Variants in CCSER1 observed in about 807,000 individuals in gnomAD.
CCSER1 encodes coiled-coil serine rich protein 1.
CCSER1 carries 41 observed loss-of-function variants against 82.0 expected under a neutral mutation model. That is an observed-to-expected ratio of 0.50 (90% CI 0.39 to 0.65). The LOEUF (loss-of-function observed/expected upper bound fraction) is 0.65. Ranked by LOEUF, CCSER1 falls within the 30% of genes least tolerant of loss-of-function variation. CCSER1 has a pLI of 0.00. For missense variants in CCSER1, 1,119 were observed against 1,064.2 expected (o/e 1.05, Z -0.72); for synonymous variants, 414 against 383.9 (o/e 1.08, Z -0.92).
intron 5 of CCSER1, among the ~76,000 whole-genome samples, chr4:90,541,933 T>C (rs1776162863): frequency 6.6e-6 from 1 of 152,050 alleles, no homozygotes; most frequent in Non-Finnish European, 1.5e-5. Context: ...TTTCTTCAAG[T>C]TCTTCATTCC....
chr4:90,726,675 C>G (rs781144282), intron 7 of CCSER1, among the ~76,000 whole-genome samples: 1 of 152,146 alleles, frequency 6.6e-6, no homozygotes, highest in Non-Finnish European at 1.5e-5. Flanking sequence ...TATTCCCCCA[C>G]ACTATGGTTC....
chr4:90,902,793 C>T (rs1724854440), intron 8 of CCSER1, among the ~76,000 whole-genome samples: 1 of 151,902 alleles, frequency 6.6e-6, no homozygotes, highest in Non-Finnish European at 1.5e-5. Context: ...TCTGTCTTGC[C>T]CTCAAGTAGG....
intron 10 of CCSER1, among the ~76,000 whole-genome samples, chr4:91,549,991 C>T (rs1288445237): frequency 6.6e-6 from 1 of 151,302 alleles, no homozygotes; most frequent in Non-Finnish European, 1.5e-5. Flanking sequence ...TGGTATTTCT[C>T]TTTACCCATG....
At chr4:91,547,969 G>A (rs559409808) in intron 10 of CCSER1, among the ~76,000 whole-genome samples, 1 of 152,256 alleles carries the variant, frequency 6.6e-6, no homozygotes, top group African/African-American at 2.4e-5. Flanking sequence ...TTTTAGTAGA[G>A]ATGGGGTTTC....
intron 9 of CCSER1, among the ~76,000 whole-genome samples, chr4:90,966,767 A>G (rs1423105711): frequency 6.6e-6 from 1 of 152,156 alleles, no homozygotes; most frequent in Non-Finnish European, 1.5e-5. Context: ...TTGTAAAACT[A>G]TATTGATGTA....
intron 3 of CCSER1, among the ~76,000 whole-genome samples, chr4:90,353,445 T>A (rs1336500926): frequency 1.3e-5 from 2 of 152,214 alleles, no homozygotes; most frequent in African/African-American, 4.8e-5. Flanking sequence ...CATGGACCTG[T>A]TTTTCTCTGC....
chr4:90,688,343 G>C (rs1453437988), intron 6 of CCSER1, among the ~76,000 whole-genome samples: 1 of 151,882 alleles, frequency 6.6e-6, no homozygotes. Context: ...ATGTATGCAT[G>C]GTGTTTTCCT....
chr4:90,143,003 A>G (rs1264085854), intron 1 of CCSER1, among the ~76,000 whole-genome samples: 1 of 152,196 alleles, frequency 6.6e-6, no homozygotes, highest in Non-Finnish European at 1.5e-5. Flanking sequence ...ATTTTTATTT[A>G]ATATCCACTA....
At chr4:90,784,527 G>A (rs1048654984) in intron 7 of CCSER1, among the ~76,000 whole-genome samples, 98 of 152,264 alleles carry the variant, frequency 6.4e-4, no homozygotes, top group African/African-American at 2.2e-3. Flanking sequence ...GAGAAGGAGT[G>A]GGAGGGGACT....
At chr4:90,573,256 C>T (rs1376637945) in intron 5 of CCSER1, among the ~76,000 whole-genome samples, 1 of 152,238 alleles carries the variant, frequency 6.6e-6, no homozygotes, top group Non-Finnish European at 1.5e-5. Context: ...CTGCCAGAAG[C>T]CGTGGCCTGT....
Position 90,297,939 on chromosome 4 carries a change from A to G in CCSER1, c.-41-10305A>G, listed in dbSNP as rs531375013. 5.5e-4 allele frequency among the ~76,000 whole-genome samples: 83 copies of G among 152,162 alleles called. 2 individuals carry two copies. The East Asian group carries it at 0.015, about 28-fold the overall frequency. On this transcript the variant is annotated intron_variant, in intron 1 of 10. Coordinates refer to ENST00000509176, the MANE Select transcript of CCSER1 (RefSeq NM_001145065.2). ...TTTTGTATCAATGTTCATCAAGGAT[A>G]TTGGTCTAAAATTCTCTTTTTTGGT...
chr4:90,745,494 T>C (rs1747260718), intron 7 of CCSER1, among the ~76,000 whole-genome samples: 1 of 152,132 alleles, frequency 6.6e-6, no homozygotes, highest in Non-Finnish European at 1.5e-5. Context: ...CAGTCAGTAA[T>C]ATCACACAAG....
At chr4:91,268,177 CTATGTG>C (rs1230797710) in intron 10 of CCSER1, among the ~76,000 whole-genome samples, 1 of 152,088 alleles carries the variant, frequency 6.6e-6, no homozygotes, top group Non-Finnish European at 1.5e-5. Context: ...TAAATTTCTA[CTATGTG>C]TATAACTATG....
chr4:91,064,951 T>C (rs1451377265), intron 9 of CCSER1, among the ~76,000 whole-genome samples: 4 of 152,106 alleles, frequency 2.6e-5, no homozygotes, highest in African/African-American at 9.7e-5. Context: ...ACCTAGGTTT[T>C]CAATTTTTTT....
intron 5 of CCSER1, among the ~76,000 whole-genome samples, chr4:90,604,820 T>G (rs1302232569): frequency 6.6e-6 from 1 of 152,156 alleles, no homozygotes; most frequent in Non-Finnish European, 1.5e-5. Context: ...GTCAGCACTG[T>G]GTGTCCAGCT....
At chr4:90,700,111 A>G (rs1030541432) in intron 6 of CCSER1, among the ~76,000 whole-genome samples, 2 of 151,860 alleles carry the variant, frequency 1.3e-5, no homozygotes, top group Non-Finnish European at 2.9e-5. Flanking sequence ...TACATTAGGT[A>G]TATCTCCTAA....
intron 1 of CCSER1, among the ~76,000 whole-genome samples, chr4:90,227,825 A>G (rs1204068007): frequency 1.3e-5 from 2 of 152,222 alleles, no homozygotes; most frequent in Non-Finnish European, 2.9e-5. Flanking sequence ...GCAAAGAGTC[A>G]GGGAGTTCCC....
At chr4:90,361,943 T>G (rs1393570227) in intron 3 of CCSER1, among the ~76,000 whole-genome samples, 1 of 152,188 alleles carries the variant, frequency 6.6e-6, no homozygotes, top group African/African-American at 2.4e-5. Flanking sequence ...GTTTCTTTCT[T>G]GAGCAAAAAG....
At chr4:90,513,621 C>T (rs1016801461) in intron 5 of CCSER1, among the ~76,000 whole-genome samples, 1 of 152,110 alleles carries the variant, frequency 6.6e-6, no homozygotes, top group African/African-American at 2.4e-5. Flanking sequence ...AGAAGCTGCA[C>T]AATGGATCTT....
Sources: allele counts gnomAD v4.1 joint callset (sites outside exome capture counted in the v4.1 genomes callset), GRCh38; gene constraint gnomAD v4.1.1; transcripts MANE v1.5; gene names NCBI Gene and HGNC (gene_info 2026-07-23, HGNC 2026-07-21).